Variants in HAO1 observed in about 807,000 individuals in gnomAD.
The protein encoded by HAO1 is 2-Hydroxyacid oxidase 1.
Under a neutral mutation model 39.7 loss-of-function variants are expected in HAO1, and 34 were observed. That is an observed-to-expected ratio of 0.86 (90% CI 0.65 to 1.14). The LOEUF (loss-of-function observed/expected upper bound fraction) is 1.14, where lower values mean the gene tolerates loss of function less well. Ranked by LOEUF, HAO1 falls within the 50% of genes most tolerant of loss-of-function variation. The probability of loss-of-function intolerance (pLI) is 0.00; values close to 1 mark genes in which losing one functional copy is unlikely to be tolerated. For synonymous variants in HAO1, 172 were observed against 173.2 expected (o/e 0.99, Z 0.05); for missense variants, 479 against 464.5 (o/e 1.03, Z -0.29).
In HAO1 at chr20:7,934,845, A is replaced by C. The variant is rs143349403; in HGVS notation, c.138-210T>G. ...TAGAGGATAATGAATTTCCCAAGCA[A>C]TTATTTATTAAAGTATAACTAATAC... On this transcript the variant is annotated intron_variant, in intron 1 of 7. Coordinates refer to ENST00000378789, the MANE Select transcript of HAO1 (RefSeq NM_017545.3). Among the ~76,000 whole-genome samples the C allele has an allele frequency of 1.7e-3, 257 of 152,350 alleles. 3 individuals carry two copies. The East Asian group carries it at 0.034, about 20-fold the overall frequency.
intron 4 of HAO1, among the ~76,000 whole-genome samples, chr20:7,897,253 C>T (rs540018284): frequency 4.2e-4 from 64 of 152,160 alleles, no homozygotes; most frequent in Non-Finnish European, 7.8e-4. Flanking sequence ...ATACACATTA[C>T]TTTTCTGAAA....
At chr20:7,929,877 C>T (rs959670861) in intron 2 of HAO1, among the ~76,000 whole-genome samples, 1 of 151,950 alleles carries the variant, frequency 6.6e-6, no homozygotes, top group African/African-American at 2.4e-5. Context: ...AAATAAGAGT[C>T]GAGCTCAGTT....
chr20:7,897,565 G>A (rs2050203390), intron 4 of HAO1, among the ~76,000 whole-genome samples: 1 of 151,824 alleles, frequency 6.6e-6, no homozygotes, highest in Admixed American at 6.6e-5. Context: ...TAATCTTTGA[G>A]AGCTCTTTTT....
intron 1 of HAO1, among the ~76,000 whole-genome samples, chr20:7,936,723 G>A (rs918169250): frequency 2.2e-4 from 34 of 151,964 alleles, no homozygotes; most frequent in Non-Finnish European, 4.4e-4. Flanking sequence ...AGTATTTTCT[G>A]TTCTGAGGAT....
intron 3 of HAO1, among the ~76,000 whole-genome samples, chr20:7,909,381 A>ATATATATATATATATATATATATATG (rs2050265979): frequency 1.5e-4 from 11 of 72,944 alleles, no homozygotes; most frequent in African/African-American, 5.5e-4. Flanking sequence ...ATATATATGT[A>ATATATATATATATATATATATATATG]TATATATATA....
At chr20:7,924,980 G>C (rs2050352624) in intron 2 of HAO1, among the ~76,000 whole-genome samples, 3 of 152,140 alleles carry the variant, frequency 2.0e-5, no homozygotes, top group Admixed American at 2.0e-4. Context: ...CTCAGGGCCT[G>C]TCATAGTGAA....
chr20:7,912,182 C>G (rs2050283193), intron 3 of HAO1, among the ~76,000 whole-genome samples: 1 of 152,112 alleles, frequency 6.6e-6, no homozygotes, highest in Non-Finnish European at 1.5e-5. Flanking sequence ...TGAAAAGAGT[C>G]TTTGTTTCAT....
chr20:7,935,354 G>A (rs752012899), intron 1 of HAO1, among the ~76,000 whole-genome samples: 7 of 152,032 alleles, frequency 4.6e-5, no homozygotes, highest in South Asian at 2.1e-4. Flanking sequence ...CATAGTTTTC[G>A]TTTCACTTCC....
At chr20:7,940,240 C>T in intron 1 of HAO1, 46 bp downstream of exon 1, 1 of 1,483,426 alleles carries the variant, frequency 6.7e-7, no homozygotes. Context: ...TTGGTACGGT[C>T]TTTGTGTAAT....
intron 3 of HAO1, among the ~76,000 whole-genome samples, chr20:7,912,242 G>A (rs1805423773): frequency 6.6e-6 from 1 of 152,060 alleles, no homozygotes; most frequent in Admixed American, 6.5e-5. Flanking sequence ...GAAAAGGGGG[G>A]AAAGCAAATC....
Position 7,914,184 on chromosome 20 carries a change from GA to G in HAO1, c.524del (p.Phe175SerfsTer9). On this transcript the variant is annotated frameshift_variant, in exon 3 of 8. Transcript: ENST00000378789. LOFTEE classifies it high-confidence loss of function. ...GTTACCTGAGTTGTGGCGGCAGTTT[GA>G]ATCTGTTACGCACATCATCCAGACG... Reference protein sequence around the residue: ...GNRLDDVRNRFKLPPQLRMKN... With the variant: ...GNRLDDVRNRXKLPPQLRMKN... 1.2e-6 allele frequency: 2 copies of G among 1,614,016 alleles called. No homozygotes were observed. The highest frequency in any genetic ancestry group is 1.7e-6 in the Non-Finnish European group (2 of 1,179,934).
At chr20:7,902,140 A>T (rs2050223867) in intron 4 of HAO1, among the ~76,000 whole-genome samples, 1 of 152,368 alleles carries the variant, frequency 6.6e-6, no homozygotes, top group East Asian at 1.9e-4. Context: ...GATTTAGAAT[A>T]TTACACAAAC....
chr20:7,904,681 A>T (rs2050239281), intron 4 of HAO1, among the ~76,000 whole-genome samples: 1 of 152,212 alleles, frequency 6.6e-6, no homozygotes, highest in Non-Finnish European at 1.5e-5. Flanking sequence ...CTCCTACAAG[A>T]ATAGACTGTC....
At chr20:7,916,069 G>GA (rs2050305697) in intron 2 of HAO1, among the ~76,000 whole-genome samples, 1 of 152,092 alleles carries the variant, frequency 6.6e-6, no homozygotes, top group South Asian at 2.1e-4. Context: ...AAGGTAGCAA[G>GA]AAACGGGCAA....
At chr20:7,885,460 C>A in intron 7 of HAO1, 61 bp downstream of exon 7, 2 of 1,080,828 alleles carry the variant, frequency 1.9e-6, no homozygotes, top group South Asian at 1.3e-5. Context: ...TTCTCTCCAC[C>A]AAGGACCTTG....
Position 7,906,150 on chromosome 20 carries a change from G to C in HAO1, c.721+4C>G, listed in dbSNP as rs778174293. 3 of 1,599,492 alleles carry C rather than the reference G, an allele frequency of 1.9e-6. No individual in the cohort carries two copies. Among genetic ancestry groups the C allele is most frequent in the Admixed American group, 1.7e-5 (1 of 59,934 alleles). On this transcript the variant is annotated splice_donor_region_variant and intron_variant, in intron 4 of 7. Coordinates refer to ENST00000378789, the MANE Select transcript of HAO1 (RefSeq NM_017545.3). ...TATGAATTCAAGTAGAGAAATAAACGAACCTCTCAAAATGCCCTTTGCAAC... is the reference window on the plus strand; with the variant it reads ...TATGAATTCAAGTAGAGAAATAAACCAACCTCTCAAAATGCCCTTTGCAAC...
intron 5 of HAO1, among the ~76,000 whole-genome samples, chr20:7,892,442 ACT>A (rs1376766392): frequency 6.6e-6 from 1 of 152,014 alleles, no homozygotes; most frequent in East Asian, 1.9e-4. Flanking sequence ...TTTAGGAAAA[ACT>A]CAACGCAATA....
chr20:7,923,736 A>T lies in HAO1; in HGVS notation c.290-9317T>A, dbSNP rs542082684. On this transcript the variant is annotated intron_variant, in intron 2 of 7. Coordinates refer to ENST00000378789, the MANE Select transcript of HAO1 (RefSeq NM_017545.3). ...GGAATCACATGGGTATGTTAACAAA[A>T]TTCAGATTCTGACTCAGTAGGTCTG... is the stretch of plus-strand genomic sequence containing the variant. 2.6e-5 allele frequency among the ~76,000 whole-genome samples: 4 copies of T among 152,284 alleles called. No homozygotes were observed. The South Asian group carries it at 8.3e-4, about 32-fold the overall frequency.
chr20:7,927,058 T>A (rs1331785148), intron 2 of HAO1, among the ~76,000 whole-genome samples: 2 of 152,056 alleles, frequency 1.3e-5, no homozygotes. Flanking sequence ...TGATTTCTCA[T>A]GTTTAAAGGG....
Sources: gnomAD v4.1 joint callset for allele counts (sites outside exome capture counted in the v4.1 genomes callset) on GRCh38, gnomAD v4.1.1 for gene constraint, MANE v1.5 for transcripts, NCBI Gene and HGNC (gene_info 2026-07-23, HGNC 2026-07-21) for gene names.